The following CEP192 variants were observed in gnomAD, a reference collection of about 807,000 sequenced individuals.
CEP192 encodes centrosomal protein of 192 kDa.
Under a neutral mutation model 271.8 loss-of-function variants are expected in CEP192, and 151 were observed. The ratio of observed to expected loss-of-function variants is 0.56; its 90% confidence interval spans 0.49 to 0.64. The LOEUF (loss-of-function observed/expected upper bound fraction) is 0.64. CEP192 is among the 30% of genes least tolerant of loss of function. The pLI is 0.00. For missense variants in CEP192, 2,910 were observed against 3,020.5 expected (o/e 0.96, Z 0.86); for synonymous variants, 995 against 1,076.5 (o/e 0.92, Z 1.48).
chr18:13,018,425 A>C, intron 7 of CEP192, 55 bp from the exon 8 acceptor site: 1 of 1,191,546 alleles, frequency 8.4e-7, no homozygotes. Context: ...TTTCTCCCTC[A>C]AAATATTTCA....
chr18:13,060,889 A>G (rs1341801878), intron 21 of CEP192, among the ~76,000 whole-genome samples: 1 of 151,594 alleles, frequency 6.6e-6, no homozygotes, highest in Non-Finnish European at 1.5e-5. Flanking sequence ...ACATCACTAC[A>G]CTCCAGCCTG....
chr18:13,045,934 A>G (rs2036449465), intron 15 of CEP192, among the ~76,000 whole-genome samples: 1 of 152,124 alleles, frequency 6.6e-6, no homozygotes, highest in Admixed American at 6.5e-5. Flanking sequence ...CTGTATCTTT[A>G]TATTTCAGAT....
Position 13,073,005 on chromosome 18 carries a change from G to T in CEP192, c.5440-4G>T, listed in dbSNP as rs1210856197. The T allele has an allele frequency of 6.2e-7, 1 of 1,602,222 alleles. No homozygotes were observed. Among genetic ancestry groups the T allele is most frequent in the Non-Finnish European group, 8.5e-7 (1 of 1,175,664 alleles). On this transcript the variant is annotated splice_polypyrimidine_tract_variant and splice_region_variant and intron_variant, in intron 29 of 44. Coordinates refer to ENST00000506447, the MANE Select transcript of CEP192 (RefSeq NM_032142.4). ...TTATGCATTTAACTGTTTTTAAATT[G>T]TAGCTTCAGAACACTTTTGGTTCAG...
intron 24 of CEP192, 23 bp from the exon 25 acceptor site, chr18:13,068,829 T>G: frequency 3.7e-6 from 6 of 1,614,106 alleles, no homozygotes; most frequent in Non-Finnish European, 5.1e-6. Flanking sequence ...GTCTCCAAGC[T>G]AAAAGAATGA....
chr18:13,037,931 C>A (rs1348326286), intron 12 of CEP192, among the ~76,000 whole-genome samples: 2 of 151,998 alleles, frequency 1.3e-5, no homozygotes, highest in Admixed American at 6.6e-5. Flanking sequence ...TTATTTATGA[C>A]AATCTTATTT....
intron 1 of CEP192, among the ~76,000 whole-genome samples, chr18:12,993,881 T>C (rs1376798167): frequency 6.6e-6 from 1 of 152,238 alleles, no homozygotes; most frequent in Non-Finnish European, 1.5e-5. Flanking sequence ...AACTAGGGGT[T>C]ATAGATTCTT....
chr18:13,068,925 T>C lies in CEP192; in HGVS notation c.4896T>C (p.Val1632=). 1 of 1,614,202 alleles carries C rather than the reference T, an allele frequency of 6.2e-7. No individual in the cohort carries two copies. Among genetic ancestry groups the C allele is most frequent in the Non-Finnish European group, 8.5e-7 (1 of 1,180,028 alleles). The change falls in exon 25 of 45, where the codon GTT becomes GTC. Residue 1632 remains valine, a synonymous_variant. Transcript: ENST00000506447. ...TTGACAGCCCAAACCCTACGCCCGT[T>C]CTTAGAAGTGTGAGTCTCCGAGCAA... ...IEVDSPNPTP[V]LRSVSLRARA... is the part of the protein sequence containing the mutation.
chr18:13,064,766 G>C (rs1271786955), intron 21 of CEP192, among the ~76,000 whole-genome samples: 1 of 152,102 alleles, frequency 6.6e-6, no homozygotes, highest in African/African-American at 2.4e-5. Context: ...TAGGTAATGT[G>C]ATTCCTCCAG....
At chr18:13,047,277 C>T (rs1489869942) in intron 15 of CEP192, among the ~76,000 whole-genome samples, 2 of 152,114 alleles carry the variant, frequency 1.3e-5, no homozygotes, top group Non-Finnish European at 2.9e-5. Context: ...TGCTGGTTTA[C>T]CTTTACTGCT....
At chr18:13,102,718 C>T (rs2039769958) in intron 38 of CEP192, among the ~76,000 whole-genome samples, 1 of 152,222 alleles carries the variant, frequency 6.6e-6, no homozygotes, top group African/African-American at 2.4e-5. Context: ...CTGCTCGGAT[C>T]CCTTGCTGAC....
chr18:13,048,635 G>C (rs1040124202), intron 15 of CEP192, among the ~76,000 whole-genome samples: 1 of 152,228 alleles, frequency 6.6e-6, no homozygotes, highest in Non-Finnish European at 1.5e-5. Flanking sequence ...CAGCCACAGT[G>C]AGTGATAAGT....
At chr18:13,097,442 C>T (rs1485139725) in intron 36 of CEP192, among the ~76,000 whole-genome samples, 2 of 152,116 alleles carry the variant, frequency 1.3e-5, no homozygotes, top group Non-Finnish European at 2.9e-5. Flanking sequence ...CATTTCTTCT[C>T]CATCTCCCCG....
At chr18:13,021,698 G>A (rs1486818069) in intron 9 of CEP192, among the ~76,000 whole-genome samples, 1 of 152,186 alleles carries the variant, frequency 6.6e-6, no homozygotes, top group Non-Finnish European at 1.5e-5. Context: ...ACTTTGGGTA[G>A]TATTGATACC....
chr18:13,008,476 G>C lies in CEP192; in HGVS notation c.311G>C (p.Ser104Thr), dbSNP rs1320270691. Residue 104 changes from serine (S) to threonine (T), a missense_variant, in exon 4 of 45, where the codon AGC becomes ACC. By Grantham distance (58) the Ser-to-Thr change is moderately conservative. Coordinates refer to ENST00000506447, the MANE Select transcript of CEP192 (RefSeq NM_032142.4). ...QDDDSISRKK[S>T]YVESQRLSNA... ...AAAAGTTCTATCTCTAGGAAAAAGA[G>C]CTATGTGGAAAGTCAACGTTTGTCA... 6.5e-7 allele frequency: 1 copy of C among 1,549,204 alleles called. No homozygotes were observed. The highest frequency in any genetic ancestry group is 2.4e-5 in the East Asian group (1 of 40,902).
chr18:13,098,585 G>A (rs555991946), intron 36 of CEP192, among the ~76,000 whole-genome samples: 20 of 151,516 alleles, frequency 1.3e-4, no homozygotes, highest in Admixed American at 3.9e-4. Flanking sequence ...GACGATGGGC[G>A]GCCGGGCAGA....
chr18:13,086,948 T>C, intron 30 of CEP192, 69 bp from the exon 31 acceptor site: 3 of 1,079,632 alleles, frequency 2.8e-6, no homozygotes, highest in Non-Finnish European at 4.1e-6. Flanking sequence ...AATTTTCTTC[T>C]CACTGTAATT....
intron 9 of CEP192, among the ~76,000 whole-genome samples, chr18:13,027,147 G>C (rs2035347849): frequency 6.6e-6 from 1 of 152,146 alleles, no homozygotes; most frequent in Non-Finnish European, 1.5e-5. Context: ...AGGATGGACA[G>C]GGTGGCTAGA....
Position 13,049,775 on chromosome 18 carries a change from T to TA in CEP192, c.2902dup (p.Thr968AsnfsTer4), listed in dbSNP as rs2036677017. ...ACCCCTTTCTGATAGATTTGAAAAA[T>TA]ACCTCTCCTGAGCATGGTGGACGTG... is the stretch of plus-strand genomic sequence containing the variant. On this transcript the variant is annotated frameshift_variant, in exon 17 of 45. Coordinates refer to ENST00000506447, the MANE Select transcript of CEP192 (RefSeq NM_032142.4). LOFTEE classifies it high-confidence loss of function. The TA allele has an allele frequency of 6.2e-7, 1 of 1,611,922 alleles. No homozygotes were observed. The highest frequency in any genetic ancestry group is 1.3e-5 in the African/African-American group (1 of 74,750).
chr18:13,056,419 T>C lies in CEP192; in HGVS notation c.3829T>C (p.Leu1277=). The C allele has an allele frequency of 6.2e-7, 1 of 1,614,256 alleles. No individual in the cohort carries two copies. The highest frequency in any genetic ancestry group is 8.5e-7 in the Non-Finnish European group (1 of 1,180,052). ...GTLPSTGSTT[L]PQCHAGNATV... Reference sequence around the variant, plus strand: ...ACTCCCTTCAACTGGAAGCACCACCTTGCCTCAGTGCCATGCTGGCAATGC... The same window carrying C: ...ACTCCCTTCAACTGGAAGCACCACCCTGCCTCAGTGCCATGCTGGCAATGC... The change falls in exon 19 of 45, where the codon TTG becomes CTG. Residue 1277 remains leucine (L), a synonymous_variant. Transcript: ENST00000506447.
Sources: gnomAD v4.1 joint callset for allele counts (sites outside exome capture counted in the v4.1 genomes callset) on GRCh38, gnomAD v4.1.1 for gene constraint, MANE v1.5 for transcripts, NCBI Gene and HGNC (gene_info 2026-07-23, HGNC 2026-07-21) for gene names.